ANKRD13A: variants seen among roughly 807,000 people sequenced by gnomAD.
ANKRD13A encodes ankyrin repeat domain-containing protein 13A.
A neutral mutation model predicts 81.3 loss-of-function variants in ANKRD13A; 48 were observed. The ratio of observed to expected loss-of-function variants is 0.59; its 90% confidence interval spans 0.47 to 0.75. ANKRD13A has a LOEUF of 0.75. ANKRD13A is among the 30% of genes least tolerant of loss of function. The pLI, the probability that ANKRD13A is intolerant of heterozygous loss-of-function variation, is 0.00. For synonymous variants in ANKRD13A, 230 were observed against 270.1 expected (o/e 0.85, Z 1.45); for missense variants, 612 against 734.0 (o/e 0.83, Z 1.92).
chr12:110,028,242 G>C (rs1193532215), intron 9 of ANKRD13A: 6 of 378,208 alleles, frequency 1.6e-5, no homozygotes, highest in Non-Finnish European at 2.9e-5. Flanking sequence ...TGCACTTTCA[G>C]ATATTTCTTT....
Position 110,038,034 on chromosome 12 carries a change from A to C in ANKRD13A, c.*480A>C, listed in dbSNP as rs1411555741. 6.5e-6 allele frequency: 1 copy of C among 152,978 alleles called. No homozygotes were observed. The highest frequency in any genetic ancestry group is 1.5e-5 in the Non-Finnish European group (1 of 68,630). The allele number at this position is 152,978 out of a possible 1,614,324, so 9.5% of individuals were successfully genotyped here. ...CCAAAGAAATGGGTAATCTGTGCTG[A>C]TCTCCTTATTTTTACCTTTTTACAG... On this transcript the variant is annotated 3_prime_UTR_variant, in exon 15 of 15. Transcript: ENST00000261739.
intron 1 of ANKRD13A, among the ~76,000 whole-genome samples, chr12:110,011,753 C>A (rs1890535715): frequency 6.6e-6 from 1 of 152,088 alleles, no homozygotes; most frequent in South Asian, 2.1e-4. Flanking sequence ...TGATCTGGAG[C>A]CTGTTGCCAA....
chr12:109,999,606 A>AGGGC lies in ANKRD13A; in HGVS notation c.-82_-79dup. 1 of 1,167,536 alleles carries AGGGC rather than the reference A, an allele frequency of 8.6e-7. No individual in the cohort carries two copies. Among genetic ancestry groups the AGGGC allele is most frequent in the Non-Finnish European group, 1.2e-6 (1 of 858,450 alleles). The allele number at this position is 1,167,536 out of a possible 1,614,324, so 72.3% of individuals were successfully genotyped here. A position where few individuals can be genotyped will look rare whatever the true frequency, so the allele number is the denominator to read the frequency against. On this transcript the variant is annotated 5_prime_UTR_variant, in exon 1 of 15. Coordinates refer to ENST00000261739, the MANE Select transcript of ANKRD13A (RefSeq NM_033121.2). This position sits in a 1 kb window ranked among gnomAD's most constrained non-coding sequence, Gnocchi z 4.3. The stretch of plus-strand genomic sequence containing the variant: ...CTACGCTCGCTTGCTCGCCGGCCTC[A>AGGGC]GGGCAGGCAGGCGGGCGCGGGAGAC...
rs1021784773 is a variant in ANKRD13A, at chr12:109,999,644, G to T, written c.-45G>T. On this transcript the variant is annotated 5_prime_UTR_variant, in exon 1 of 15. Transcript: ENST00000261739. This position sits in a 1 kb window ranked among gnomAD's most constrained non-coding sequence, Gnocchi z 4.3. ...GGGCGCGGGAGACCCCGCCGGGGCC[G>T]AGACTTGGGGCGGGCGACGAGGACC... 6.8e-6 allele frequency: 10 copies of T among 1,469,140 alleles called. No homozygotes were observed. The African/African-American group carries it at 1.3e-4, about 19-fold the overall frequency. The allele number at this position is 1,469,140 out of a possible 1,614,324, so 91.0% of individuals were successfully genotyped here. A position where few individuals can be genotyped will look rare whatever the true frequency, so the allele number is the denominator to read the frequency against.
At chr12:110,012,765 A>G (rs529854371) in intron 2 of ANKRD13A, among the ~76,000 whole-genome samples, 1 of 152,170 alleles carries the variant, frequency 6.6e-6, no homozygotes, top group Non-Finnish European at 1.5e-5. Flanking sequence ...TTTTGTGTTG[A>G]CTGAGCAGGG....
chr12:110,001,402 G>A (rs963833964), intron 1 of ANKRD13A, among the ~76,000 whole-genome samples: 1 of 151,108 alleles, frequency 6.6e-6, no homozygotes, highest in East Asian at 1.9e-4. Flanking sequence ...AGCCCTCACC[G>A]AAGTCCAAAA....
chr12:110,027,925 A>G, intron 9 of ANKRD13A, 159 bp downstream of exon 9: 1 of 649,490 alleles, frequency 1.5e-6, no homozygotes, highest in South Asian at 1.9e-5. Flanking sequence ...AGAGAATTAG[A>G]TGAGTGACTC....
intron 3 of ANKRD13A, among the ~76,000 whole-genome samples, chr12:110,015,162 G>A (rs573089954): frequency 8.5e-5 from 13 of 152,204 alleles, no homozygotes; most frequent in Non-Finnish European, 1.6e-4. Context: ...ATCCTAAACA[G>A]GGCTGCTGTG....
intron 6 of ANKRD13A, 106 bp from the exon 7 acceptor site, chr12:110,023,940 C>T (rs573826456): frequency 5.4e-4 from 602 of 1,114,202 alleles, no homozygotes; most frequent in Middle Eastern, 5.1e-3. Flanking sequence ...TTCCAAGTGT[C>T]CTTCACTAAC....
rs1889843796 is a variant in ANKRD13A at position 109,999,722 on chromosome 12, C to A, written c.34C>A (p.Pro12Thr). 1 of 1,538,492 alleles carries A rather than the reference C, an allele frequency of 6.5e-7. No individual in the cohort carries two copies. Among genetic ancestry groups the A allele is most frequent in the Non-Finnish European group, 8.8e-7 (1 of 1,140,944 alleles). Residue 12 changes from proline (P) to threonine (T), a missense_variant, in exon 1 of 15, where the codon CCC (proline) becomes ACC (threonine). Coordinates refer to ENST00000261739, the MANE Select transcript of ANKRD13A (RefSeq NM_033121.2). This position sits in a 1 kb window ranked among gnomAD's most constrained non-coding sequence, Gnocchi z 4.3. ...GGCCTGCGACGCGGGCGACCACTACCCCCTGCACCTCCTAGTCTGGAAAAA... is the reference window on the plus strand; with the variant it reads ...GGCCTGCGACGCGGGCGACCACTACACCCTGCACCTCCTAGTCTGGAAAAA... ...SSACDAGDHYPLHLLVWKNDY... is the reference protein window; with the variant it reads ...SSACDAGDHYTLHLLVWKNDY...
At chr12:110,029,703 TG>T (rs766643944) in intron 11 of ANKRD13A, 68 bp downstream of exon 11, 4 of 1,570,748 alleles carry the variant, frequency 2.5e-6, no homozygotes, top group Non-Finnish European at 3.5e-6. Context: ...AGCATGTGGG[TG>T]GCAGGATGCT....
intron 8 of ANKRD13A, 126 bp from the exon 9 acceptor site, chr12:110,027,579 G>T: frequency 1.2e-6 from 1 of 850,430 alleles, no homozygotes; most frequent in South Asian, 1.5e-5. Context: ...TGAATGATTT[G>T]ATCAGCCAGT....
intron 1 of ANKRD13A, among the ~76,000 whole-genome samples, chr12:110,000,810 T>G (rs1193517330): frequency 1.4e-5 from 2 of 145,604 alleles, no homozygotes; most frequent in Non-Finnish European, 3.0e-5. Flanking sequence ...CGGGCTGGAG[T>G]GCAATGGTGC....
Position 110,028,615 on chromosome 12 carries a change from C to T in ANKRD13A, c.1049C>T (p.Pro350Leu), listed in dbSNP as rs764334581. The T allele has an allele frequency of 3.7e-6, 6 of 1,614,112 alleles. No individual in the cohort carries two copies. The highest frequency in any genetic ancestry group is 3.4e-6 in the Non-Finnish European group (4 of 1,180,012). Residue 350 changes from proline to leucine, a missense_variant, in exon 10 of 15, where the codon CCG (proline) becomes CTG (leucine). By Grantham distance (98) the Pro-to-Leu change is moderately conservative. Transcript: ENST00000261739. ...FDLKDRDIGRPKELTIRTQKF... is the reference protein window; with the variant it reads ...FDLKDRDIGRLKELTIRTQKF... ...CTGAAAGACAGGGACATTGGAAGGC[C>T]GAAAGAGCTGACGATTAGAACACAG... is the stretch of plus-strand genomic sequence containing the variant.
In ANKRD13A at chr12:110,039,596, C is replaced by T. The variant is rs892791196; in HGVS notation, c.*2042C>T. On this transcript the variant is annotated 3_prime_UTR_variant, in exon 15 of 15. Coordinates refer to ENST00000261739, the MANE Select transcript of ANKRD13A (RefSeq NM_033121.2). ...CAGCCTTCCTGCCCAGGTTAACAAGCCCCATGCTGCTTGTTTCAAATGGCA... is the reference window on the plus strand; with the variant it reads ...CAGCCTTCCTGCCCAGGTTAACAAGTCCCATGCTGCTTGTTTCAAATGGCA... 6.6e-6 allele frequency: 1 copy of T among 152,246 alleles called. No individual in the cohort carries two copies. The highest frequency in any genetic ancestry group is 2.4e-5 in the African/African-American group (1 of 41,458). 9.4% of individuals were successfully genotyped at this position (152,246 alleles called of 1,614,324 possible).
At position 110,019,129 on chromosome 12, in the gene ANKRD13A, C is replaced by T; in HGVS notation, c.545-10C>T. 3.8e-6 allele frequency: 6 copies of T among 1,567,886 alleles called. No homozygotes were observed. Among genetic ancestry groups the T allele is most frequent in the Non-Finnish European group, 5.2e-6 (6 of 1,155,308 alleles). On this transcript the variant is annotated splice_polypyrimidine_tract_variant and intron_variant, in intron 5 of 14. Transcript: ENST00000261739. ...TTTGCACTTAGTTATGCCTTTGTTT[C>T]CATTAATAGACAACTGGGCGGAGTT... is the stretch of plus-strand genomic sequence containing the variant.
rs1892189881 is a variant in ANKRD13A at position 110,038,433 on chromosome 12, G to A, written c.*879G>A. ...ATTGGAACACACAGAACCAAACCAG[G>A]TGTGTTCTACACCTGCATGAGTGAA... is the stretch of plus-strand genomic sequence containing the variant. On this transcript the variant is annotated 3_prime_UTR_variant, in exon 15 of 15. Transcript: ENST00000261739. 6.6e-6 allele frequency: 1 copy of A among 152,530 alleles called. No individual in the cohort carries two copies. Among genetic ancestry groups the A allele is most frequent in the Non-Finnish European group, 1.5e-5 (1 of 68,016 alleles). The allele number at this position is 152,530 out of a possible 1,614,324, so 9.4% of individuals were successfully genotyped here.
At position 110,028,523 on chromosome 12, in the gene ANKRD13A, G is replaced by T; in HGVS notation, c.957G>T (p.Thr319=). The change falls in exon 10 of 15, where the codon ACG becomes ACT. Residue 319 remains threonine, a synonymous_variant. Coordinates refer to ENST00000261739, the MANE Select transcript of ANKRD13A (RefSeq NM_033121.2). ...TTCTGGCTCAGCAGGACCTCACCAC[G>T]GAATGTGCTACTGCAAACAACCCCA... is the stretch of plus-strand genomic sequence containing the variant. ...HQFGAQGDLT[T]ECATANNPTA... is the part of the protein sequence containing the mutation. 1 of 1,613,964 alleles carries T rather than the reference G, an allele frequency of 6.2e-7. No individual in the cohort carries two copies. The highest frequency in any genetic ancestry group is 8.5e-7 in the Non-Finnish European group (1 of 1,179,958).
intron 1 of ANKRD13A, among the ~76,000 whole-genome samples, chr12:110,003,361 C>T (rs1309805494): frequency 6.6e-6 from 1 of 152,204 alleles, no homozygotes; most frequent in African/African-American, 2.4e-5. Flanking sequence ...AGATTCAAAT[C>T]GCTGAGCCAT....
Sources: gnomAD v4.1 joint callset for allele counts (sites outside exome capture counted in the v4.1 genomes callset) on GRCh38, gnomAD v4.1.1 for gene constraint, Gnocchi (gnomAD v3.1) non-coding constraint, MANE v1.5 for transcripts, NCBI Gene and HGNC (gene_info 2026-07-23, HGNC 2026-07-21) for gene names.